The following DLG1 variants were observed in gnomAD, a reference collection of about 807,000 sequenced individuals.
DLG1 encodes discs large MAGUK scaffold protein 1.
A neutral mutation model predicts 123.4 loss-of-function variants in DLG1; 42 were observed. The observed-to-expected ratio is 0.34, with a 90% CI of 0.27 to 0.44. The LOEUF (loss-of-function observed/expected upper bound fraction) is 0.44, where lower values mean the gene tolerates loss of function less well. Ranked by LOEUF, DLG1 falls within the 20% of genes least tolerant of loss-of-function variation. The pLI is 1.00. For synonymous variants in DLG1, 317 were observed against 356.2 expected, an observed-to-expected ratio of 0.89 and a Z score of 1.24; for missense variants, 942 against 1,082.6, an observed-to-expected ratio of 0.87 and a Z score of 1.82.
At chr3:197,237,142 A>G (rs888879018) in intron 4 of DLG1, among the ~76,000 whole-genome samples, 1 of 152,230 alleles carries the variant, frequency 6.6e-6, no homozygotes, top group Admixed American at 6.5e-5. Context: ...GAGGGCTTCC[A>G]ATTGAAAGAG....
At chr3:197,271,698 T>C (rs1282498461) in intron 4 of DLG1, among the ~76,000 whole-genome samples, 1 of 152,194 alleles carries the variant, frequency 6.6e-6, no homozygotes, top group Non-Finnish European at 1.5e-5. Flanking sequence ...GAGAGAAAAC[T>C]GAACAATTAT....
intron 3 of DLG1, among the ~76,000 whole-genome samples, chr3:197,293,627 G>GACTC (rs3836428): frequency 0.75 from 113,599 of 151,286 alleles, 42,745 homozygotes; most frequent in East Asian, 0.82. Flanking sequence ...AACCCCTAGA[G>GACTC]ACTCAAACTT....
intron 6 of DLG1, among the ~76,000 whole-genome samples, chr3:197,146,504 C>T (rs1043462249): frequency 1.3e-5 from 2 of 152,136 alleles, no homozygotes; most frequent in Admixed American, 6.5e-5. Flanking sequence ...CAAATACTTA[C>T]AGCCACCTGA....
At chr3:197,199,553 G>A (rs1356445941) in intron 4 of DLG1, among the ~76,000 whole-genome samples, 1 of 151,916 alleles carries the variant, frequency 6.6e-6, no homozygotes, top group Non-Finnish European at 1.5e-5. Context: ...AATCCGAAAC[G>A]CTTCTGGTCC....
intron 19 of DLG1, chr3:197,068,554 C>A: frequency 6.5e-7 from 1 of 1,549,936 alleles, no homozygotes; most frequent in South Asian, 1.2e-5. Context: ...TATTAGACAG[C>A]AGTAAAAAAA....
intron 13 of DLG1, among the ~76,000 whole-genome samples, chr3:197,112,727 A>T (rs919169663): frequency 1.3e-5 from 2 of 151,964 alleles, no homozygotes; most frequent in African/African-American, 4.8e-5. Context: ...AGTTGCTGGG[A>T]CTACAAGTGC....
At chr3:197,057,261 T>G (rs1732377574) in intron 23 of DLG1, among the ~76,000 whole-genome samples, 1 of 152,132 alleles carries the variant, frequency 6.6e-6, no homozygotes, top group African/African-American at 2.4e-5. Context: ...TAAAGTTTTC[T>G]GTAGAGACAG....
At chr3:197,060,045 T>C in intron 22 of DLG1, 47 bp from the exon 23 acceptor site, 1 of 1,333,030 alleles carries the variant, frequency 7.5e-7, no homozygotes, top group Non-Finnish European at 1.1e-6. Context: ...CCAAATATTC[T>C]CAATAATATC....
At chr3:197,059,406 C>T (rs1217757811) in intron 23 of DLG1, among the ~76,000 whole-genome samples, 1 of 152,104 alleles carries the variant, frequency 6.6e-6, no homozygotes, top group African/African-American at 2.4e-5. Flanking sequence ...TTTTTCTTCA[C>T]CCCTTGTCTT....
At chr3:197,296,215 C>T in intron 3 of DLG1, 131 bp downstream of exon 3, 2 of 868,208 alleles carry the variant, frequency 2.3e-6, no homozygotes, top group Non-Finnish European at 3.5e-6. Flanking sequence ...AAACACACAA[C>T]TCACTGAAGA....
chr3:197,091,402 A>G (rs1221381781), intron 14 of DLG1, among the ~76,000 whole-genome samples: 1 of 151,946 alleles, frequency 6.6e-6, no homozygotes, highest in Non-Finnish European at 1.5e-5. Flanking sequence ...AACCTATAAT[A>G]ATAATTAATA....
At chr3:197,152,053 G>A (rs1016974737) in intron 5 of DLG1, among the ~76,000 whole-genome samples, 1 of 152,144 alleles carries the variant, frequency 6.6e-6, no homozygotes, top group Non-Finnish European at 1.5e-5. Context: ...TTTAGTAACA[G>A]AATAAGCATT....
chr3:197,091,343 T>C (rs1757620082), intron 14 of DLG1, among the ~76,000 whole-genome samples: 1 of 151,988 alleles, frequency 6.6e-6, no homozygotes, highest in Non-Finnish European at 1.5e-5. Flanking sequence ...TGAATTTAAG[T>C]GTAAATTTTA....
At chr3:197,130,970 C>T (rs1280879692) in intron 10 of DLG1, among the ~76,000 whole-genome samples, 1 of 152,112 alleles carries the variant, frequency 6.6e-6, no homozygotes, top group Admixed American at 6.5e-5. Flanking sequence ...GCGTTTTAGA[C>T]ATTTTTATCT....
At chr3:197,253,797 T>A (rs1755575512) in intron 4 of DLG1, among the ~76,000 whole-genome samples, 1 of 152,160 alleles carries the variant, frequency 6.6e-6, no homozygotes, top group South Asian at 2.1e-4. Context: ...AATATCCTGG[T>A]TAGTGATACT....
At chr3:197,172,217 T>C (rs1415694944) in intron 5 of DLG1, among the ~76,000 whole-genome samples, 2 of 152,148 alleles carry the variant, frequency 1.3e-5, no homozygotes, top group Non-Finnish European at 1.5e-5. Context: ...ATTACATTTG[T>C]GGTGACGCTG....
intron 18 of DLG1, chr3:197,075,725 A>G: frequency 1.2e-6 from 1 of 834,040 alleles, no homozygotes; most frequent in Non-Finnish European, 1.9e-6. Context: ...AATCTAAATC[A>G]TACACCTCCT....
At chr3:197,090,160 G>A (rs550317732) in intron 15 of DLG1, among the ~76,000 whole-genome samples, 1 of 152,158 alleles carries the variant, frequency 6.6e-6, no homozygotes, top group African/African-American at 2.4e-5. Context: ...CGACTGAGAT[G>A]ATAATTTATA....
intron 4 of DLG1, among the ~76,000 whole-genome samples, chr3:197,258,500 T>C (rs1466349693): frequency 6.6e-6 from 1 of 152,090 alleles, no homozygotes; most frequent in Non-Finnish European, 1.5e-5. Flanking sequence ...TACTTAAGGG[T>C]ATCCATGGTA....
Sources: allele counts gnomAD v4.1 joint callset (sites outside exome capture counted in the v4.1 genomes callset), GRCh38; gene constraint gnomAD v4.1.1; transcripts MANE v1.5; gene names NCBI Gene and HGNC (gene_info 2026-07-23, HGNC 2026-07-21).